Variants in RELN observed in about 807,000 individuals in gnomAD.
RELN encodes reelin.
RELN carries 108 observed loss-of-function variants against 427.6 expected under a neutral mutation model. The ratio of observed to expected loss-of-function variants is 0.25; its 90% CI spans 0.22 to 0.30. The LOEUF (loss-of-function observed/expected upper bound fraction) is 0.30, where lower values mean the gene tolerates loss of function less well. Among genes scored for constraint, RELN ranks in the 10% least tolerant of loss-of-function variants. The pLI is 1.00. For missense variants in RELN, 3,715 were observed against 4,302.8 expected, an observed-to-expected ratio of 0.86 and a Z score of 3.82; for synonymous variants, 1,524 against 1,513.4, an observed-to-expected ratio of 1.01 and a Z score of -0.16.
At chr7:103,698,458 T>C (rs1376623061) in intron 9 of RELN, among the ~76,000 whole-genome samples, 1 of 152,136 alleles carries the variant, frequency 6.6e-6, no homozygotes, top group Non-Finnish European at 1.5e-5. Context: ...TTTTTGCACA[T>C]GGTAAACATA....
chr7:103,650,232 C>G, intron 16 of RELN, 42 bp downstream of exon 16: 1 of 1,179,312 alleles, frequency 8.5e-7, no homozygotes, highest in Non-Finnish European at 1.3e-6. Context: ...CAGGAAGACT[C>G]TACATCAATG....
Position 103,620,763 on chromosome 7 carries a change from C to A in RELN, c.2703-8960G>T, listed in dbSNP as rs566709133. ...TGCTGGGATTACAGGTGTGAGCCAC[C>A]GCGCCTGGCCTAACCTGATCCACAT... On this transcript the variant is annotated intron_variant, in intron 20 of 64. Coordinates refer to ENST00000428762, the MANE Select transcript of RELN (RefSeq NM_005045.4). The surrounding 1 kb of genome is among the most constrained non-coding windows in gnomAD (Gnocchi z 4.1). 6.6e-6 allele frequency among the ~76,000 whole-genome samples: 1 copy of A among 152,238 alleles called. No homozygotes were observed. The highest frequency in any genetic ancestry group is 2.4e-5 in the African/African-American group (1 of 41,548).
In RELN at chr7:103,611,701, T is replaced by A. The variant is rs1831962705; in HGVS notation, c.2805A>T (p.Gly935=). The A allele has an allele frequency of 1.9e-6, 3 of 1,613,832 alleles. No homozygotes were observed. The highest frequency in any genetic ancestry group is 1.7e-6 in the Non-Finnish European group (2 of 1,179,876). The change falls in exon 21 of 65, where the codon GGA becomes GGT. Residue 935 remains glycine (G), a synonymous_variant. Transcript: ENST00000428762. ...SYMIQFSLVM[G]CGQKYTPHMD... ...TGTGTGGGGTGTATTTCTGGCCACA[T>A]CCCATCACCAAACTGAACTGAATCA...
chr7:103,810,739 TA>T lies in RELN; in HGVS notation c.473+22797del, dbSNP rs1410478996. Reference sequence around the variant, plus strand: ...ATGTGCACAGTGTTTGTTCAAAGAATAAATACTGGTCATTGTAGCAATAACA... The same window carrying T: ...ATGTGCACAGTGTTTGTTCAAAGAATAATACTGGTCATTGTAGCAATAACA... On this transcript the variant is annotated intron_variant, in intron 3 of 64. Transcript: ENST00000428762. Among the ~76,000 whole-genome samples, 24 of 152,236 alleles carry T rather than the reference TA, an allele frequency of 1.6e-4. No individual in the cohort carries two copies. In the East Asian group the frequency reaches 2.3e-3, roughly 15 times the overall value.
At chr7:103,743,740 C>T (rs901260728) in intron 6 of RELN, among the ~76,000 whole-genome samples, 9 of 152,168 alleles carry the variant, frequency 5.9e-5, no homozygotes, top group Non-Finnish European at 8.8e-5. Context: ...GCACCCAATA[C>T]AGGAGCACCC....
rs1584329052 is a variant in RELN at position 103,596,644 on chromosome 7, C to G, written c.3351G>C (p.Leu1117=). 4 of 1,613,948 alleles carry G rather than the reference C, an allele frequency of 2.5e-6. No individual in the cohort carries two copies. The highest frequency in any genetic ancestry group is 1.3e-5 in the African/African-American group (1 of 75,024). The part of the protein sequence containing the change: ...LYFSKAGKRQ[L]VSWDLDTSWV... ...AAGAAGTATCCAGGTCCCAACTCAC[C>G]AGCTGTCTTTTCCCAGCCTTTCAGA... is the stretch of plus-strand genomic sequence containing the variant. Residue 1117 remains leucine, a synonymous_variant, in exon 25 of 65, where the codon CTG becomes CTC. Coordinates refer to ENST00000428762, the MANE Select transcript of RELN (RefSeq NM_005045.4).
chr7:103,752,989 T>C (rs1791044879), intron 5 of RELN, among the ~76,000 whole-genome samples, 193 bp downstream of exon 5: 2 of 152,206 alleles, frequency 1.3e-5, no homozygotes, highest in Non-Finnish European at 2.9e-5. Context: ...AGCCCCCCGC[T>C]GGGCAGCATG....
Position 103,472,024 on chromosome 7 carries a change from A to G in RELN, c.*788T>C, listed in dbSNP as rs1229429405. On this transcript the variant is annotated 3_prime_UTR_variant, in exon 65 of 65. Coordinates refer to ENST00000428762, the MANE Select transcript of RELN (RefSeq NM_005045.4). The stretch of plus-strand genomic sequence containing the variant: ...CAAATCACTCTGTTATCACAGACAA[A>G]AAATGGCAGTTACTGTTAGTAAATC... 2.6e-5 allele frequency: 4 copies of G among 152,566 alleles called. No homozygotes were observed. Among genetic ancestry groups the G allele is most frequent in the African/African-American group, 9.6e-5 (4 of 41,464 alleles). The allele number at this position is 152,566 out of a possible 1,614,324, so 9.5% of individuals were successfully genotyped here. A position where few individuals can be genotyped will look rare whatever the true frequency, so the allele number is the denominator to read the frequency against.
intron 3 of RELN, among the ~76,000 whole-genome samples, chr7:103,784,372 C>T (rs185411133): frequency 1.1e-4 from 16 of 152,232 alleles, no homozygotes; most frequent in Admixed American, 7.9e-4. Flanking sequence ...CCCTCACCTA[C>T]GTCAGTAAGA....
At chr7:103,914,715 A>G (rs1241794992) in intron 2 of RELN, among the ~76,000 whole-genome samples, 2 of 152,160 alleles carry the variant, frequency 1.3e-5, no homozygotes, top group East Asian at 3.9e-4. Flanking sequence ...GCTGAGGCAC[A>G]TAACTAAGAG....
intron 2 of RELN, among the ~76,000 whole-genome samples, chr7:103,890,041 G>A (rs17157057): frequency 0.12 from 18,432 of 151,894 alleles, 1,167 homozygotes; most frequent in South Asian, 0.14. Flanking sequence ...CCTCTCTCAC[G>A]TTTGACTTCA....
intron 20 of RELN, among the ~76,000 whole-genome samples, chr7:103,627,713 G>A (rs1440908484): frequency 6.6e-6 from 1 of 152,138 alleles, no homozygotes; most frequent in Non-Finnish European, 1.5e-5. Flanking sequence ...AAACTCCTAT[G>A]GTGCTGCTCA....
chr7:103,918,618 G>GT, intron 1 of RELN, among the ~76,000 whole-genome samples: 1 of 151,974 alleles, frequency 6.6e-6, no homozygotes, highest in East Asian at 1.9e-4. Flanking sequence ...ATAATTTATG[G>GT]TACTCTTAGG....
intron 3 of RELN, among the ~76,000 whole-genome samples, chr7:103,805,170 T>G (rs149216851): frequency 1.3e-5 from 2 of 152,232 alleles, no homozygotes; most frequent in East Asian, 3.9e-4. Context: ...TGGTATAACC[T>G]GTCTAAGCAC....
In RELN at chr7:103,498,137, T is replaced by G; in HGVS notation, c.8783A>C (p.Tyr2928Ser). 6.2e-7 allele frequency: 1 copy of G among 1,614,122 alleles called. No homozygotes were observed. Among genetic ancestry groups the G allele is most frequent in the East Asian group, 2.2e-5 (1 of 44,874 alleles). Residue 2928 changes from tyrosine (Y) to serine (S), a missense_variant, in exon 54 of 65, where the codon TAT becomes TCT. By Grantham distance (144) the Tyr-to-Ser change is moderately radical (BLOSUM62 -2). This residue lies in a region of RELN where 1,310 missense variants were observed against 1,643.0 expected (regional missense o/e 0.80). Coordinates refer to ENST00000428762, the MANE Select transcript of RELN (RefSeq NM_005045.4). ...TTGTCTCACAGTGGATCCCCCAAAA[T>G]AGAGTGCAGTGTCCTCGGCAAGAAT... ...CGILAEDTAL[Y>S]FGGSTVRQAV...
chr7:103,717,608 T>C (rs1340783878), intron 8 of RELN, among the ~76,000 whole-genome samples: 3 of 151,988 alleles, frequency 2.0e-5, no homozygotes, highest in East Asian at 3.9e-4. Flanking sequence ...TTATAAAACA[T>C]ATGTATTATT....
chr7:103,578,214 T>C (rs962235327), intron 28 of RELN, among the ~76,000 whole-genome samples: 2 of 152,288 alleles, frequency 1.3e-5, no homozygotes, highest in East Asian at 3.9e-4. Flanking sequence ...GAGGTATCCT[T>C]GTTTGCAGTT....
intron 9 of RELN, 57 bp downstream of exon 9, chr7:103,700,853 G>C (rs1834074794): frequency 1.9e-6 from 2 of 1,038,896 alleles, no homozygotes; most frequent in Non-Finnish European, 1.5e-6. Context: ...AGGCATATAG[G>C]AGAGTAGAAC....
intron 2 of RELN, among the ~76,000 whole-genome samples, chr7:103,914,207 C>A (rs1263796297): frequency 6.6e-6 from 1 of 152,136 alleles, no homozygotes; most frequent in Non-Finnish European, 1.5e-5. Context: ...TAGCTAAAAT[C>A]TGAGGCAATA....
Sources: gnomAD v4.1 joint callset for allele counts (sites outside exome capture counted in the v4.1 genomes callset) on GRCh38, gnomAD v4.1.1 for gene constraint, gnomAD v4.1.1 regional missense constraint, Gnocchi (gnomAD v3.1) non-coding constraint, MANE v1.5 for transcripts, NCBI Gene and HGNC (gene_info 2026-07-23, HGNC 2026-07-21) for gene names.